SDK1: variants seen among roughly 807,000 people sequenced by gnomAD.
SDK1 encodes sidekick cell adhesion molecule 1.
A neutral mutation model predicts 245.5 loss-of-function variants in SDK1; 157 were observed. The ratio of observed to expected loss-of-function variants is 0.64; its 90% CI spans 0.56 to 0.73. SDK1 has a LOEUF of 0.73. SDK1 is among the 30% of genes least tolerant of loss of function. The pLI is 0.00. For missense variants in SDK1, 3,583 were observed against 3,002.3 expected, an observed-to-expected ratio of 1.19 and a Z score of -4.52; for synonymous variants, 1,647 against 1,278.5, an observed-to-expected ratio of 1.29 and a Z score of -6.15.
At chr7:3,808,688 T>G (rs371628745) in intron 4 of SDK1, among the ~76,000 whole-genome samples, 20 of 152,248 alleles carry the variant, frequency 1.3e-4, no homozygotes, top group African/African-American at 4.8e-4. Flanking sequence ...ATACATCAGT[T>G]TCTACCTGAT....
intron 1 of SDK1, among the ~76,000 whole-genome samples, chr7:3,586,874 CAT>C (rs1398606580): frequency 1.3e-5 from 2 of 152,116 alleles, no homozygotes; most frequent in African/African-American, 2.4e-5. Flanking sequence ...AGGGAGGTGA[CAT>C]GTGCTGGAGC....
chr7:4,149,237 C>A, intron 29 of SDK1, 25 bp from the exon 30 acceptor site: 1 of 1,479,550 alleles, frequency 6.8e-7, no homozygotes. Context: ...TCACATGTCC[C>A]TGGTCTGTCC....
chr7:4,130,256 A>G, intron 27 of SDK1, 159 bp downstream of exon 27: 9 of 773,346 alleles, frequency 1.2e-5, no homozygotes, highest in Non-Finnish European at 1.8e-5. Flanking sequence ...GTCACTGAGC[A>G]CTTATATGGC....
intron 44 of SDK1, among the ~76,000 whole-genome samples, chr7:4,261,629 CCA>C (rs1182532685): frequency 2.6e-5 from 4 of 152,134 alleles, no homozygotes; most frequent in Non-Finnish European, 4.4e-5. Flanking sequence ...TCCGACAGAC[CCA>C]CAGAGTCAGG....
At chr7:3,722,193 A>T (rs1424933407) in intron 4 of SDK1, among the ~76,000 whole-genome samples, 3 of 152,208 alleles carry the variant, frequency 2.0e-5, no homozygotes, top group East Asian at 1.9e-4. Flanking sequence ...TTAGCAGTAA[A>T]TCTTGCTAAG....
chr7:4,236,210 G>A (rs1786155597), intron 41 of SDK1, among the ~76,000 whole-genome samples: 1 of 152,208 alleles, frequency 6.6e-6, no homozygotes, highest in Admixed American at 6.5e-5. Flanking sequence ...GGCTTTGCCT[G>A]TGAGAGGCTT....
intron 1 of SDK1, among the ~76,000 whole-genome samples, chr7:3,599,729 G>A (rs1781194618): frequency 6.6e-6 from 1 of 152,104 alleles, no homozygotes; most frequent in African/African-American, 2.4e-5. Context: ...CTCCTCCACT[G>A]AATTTTTCAC....
At chr7:4,167,857 C>T (rs971297186) in intron 32 of SDK1, among the ~76,000 whole-genome samples, 7 of 152,196 alleles carry the variant, frequency 4.6e-5, no homozygotes, top group African/African-American at 1.7e-4. Flanking sequence ...CAGGGTTGAG[C>T]CTGGGAGTTT....
intron 1 of SDK1, among the ~76,000 whole-genome samples, chr7:3,581,843 G>C (rs1184743902): frequency 6.6e-6 from 1 of 152,226 alleles, no homozygotes; most frequent in African/African-American, 2.4e-5. Context: ...TGTGTCCTTT[G>C]CAGGGACATG....
At chr7:3,663,761 C>A (rs1486101194) in intron 4 of SDK1, among the ~76,000 whole-genome samples, 1 of 152,076 alleles carries the variant, frequency 6.6e-6, no homozygotes, top group Admixed American at 6.5e-5. Flanking sequence ...GTTGTCCCTA[C>A]CACTGTCAAA....
intron 1 of SDK1, among the ~76,000 whole-genome samples, chr7:3,470,971 C>G (rs1274717862): frequency 2.0e-5 from 3 of 152,150 alleles, no homozygotes; most frequent in Non-Finnish European, 4.4e-5. Flanking sequence ...ATTTGATAAA[C>G]AAGTATCTTT....
chr7:3,429,197 TACTC>T (rs1779760910), intron 1 of SDK1, among the ~76,000 whole-genome samples: 2 of 150,606 alleles, frequency 1.3e-5, no homozygotes, highest in South Asian at 2.1e-4. Context: ...ACTAAAATAA[TACTC>T]AGTTGTGGAT....
chr7:4,139,429 GTA>G (rs1234884021), intron 28 of SDK1, among the ~76,000 whole-genome samples: 57 of 133,822 alleles, frequency 4.3e-4, no homozygotes, highest in African/African-American at 1.3e-3. Flanking sequence ...GTGTGTGTAT[GTA>G]TATATGTGTG....
chr7:4,231,808 A>T (rs1339334219), intron 40 of SDK1, among the ~76,000 whole-genome samples: 1 of 152,200 alleles, frequency 6.6e-6, no homozygotes, highest in African/African-American at 2.4e-5. Flanking sequence ...CTGCCTATTT[A>T]CTGTTGGGCT....
intron 1 of SDK1, among the ~76,000 whole-genome samples, chr7:3,439,854 A>G (rs1204909261): frequency 6.6e-6 from 1 of 152,222 alleles, no homozygotes; most frequent in Non-Finnish European, 1.5e-5. Context: ...ACTAGAGGGC[A>G]CTGTGCTGTC....
At chr7:3,592,886 A>G (rs1382452635) in intron 1 of SDK1, among the ~76,000 whole-genome samples, 1 of 152,228 alleles carries the variant, frequency 6.6e-6, no homozygotes, top group African/African-American at 2.4e-5. Context: ...AATATGTGAA[A>G]GTGAAAACCA....
At chr7:3,892,652 C>G (rs1781489178) in intron 5 of SDK1, among the ~76,000 whole-genome samples, 1 of 152,212 alleles carries the variant, frequency 6.6e-6, no homozygotes, top group African/African-American at 2.4e-5. Context: ...TGCCTCAAAT[C>G]AAGAACAGCC....
At chr7:4,192,268 AT>A (rs1440131781) in intron 35 of SDK1, among the ~76,000 whole-genome samples, 1 of 151,174 alleles carries the variant, frequency 6.6e-6, no homozygotes, top group Non-Finnish European at 1.5e-5. Flanking sequence ...TTTGCAGCAG[AT>A]TTTTTGTTTG....
At chr7:3,464,698 G>GTATATATATATATATATATATATATATA (rs141577885) in intron 1 of SDK1, among the ~76,000 whole-genome samples, 2 of 148,042 alleles carry the variant, frequency 1.4e-5, no homozygotes, top group African/African-American at 5.1e-5. Flanking sequence ...GTGTATGTAT[G>GTATATATATATATATATATATATATATA]TATATATATA....
Sources: gnomAD v4.1 joint callset for allele counts (sites outside exome capture counted in the v4.1 genomes callset) on GRCh38, gnomAD v4.1.1 for gene constraint, MANE v1.5 for transcripts, NCBI Gene and HGNC (gene_info 2026-07-23, HGNC 2026-07-21) for gene names.